ISG20: variants seen among roughly 807,000 people sequenced by gnomAD.
ISG20 encodes the protein interferon-stimulated gene 20 kDa protein.
A neutral mutation model predicts 11.1 loss-of-function variants in ISG20; 8 were observed. The observed-to-expected ratio is 0.72, with a 90% confidence interval of 0.42 to 1.30. The LOEUF (loss-of-function observed/expected upper bound fraction) is 1.30. Among genes scored for constraint, ISG20 ranks in the 50% most tolerant of loss-of-function variants. ISG20 has a pLI of 0.01. For missense variants in ISG20, 243 were observed against 250.2 expected (o/e 0.97, Z 0.19); for synonymous variants, 110 against 101.7 (o/e 1.08, Z -0.49).
intron 2 of ISG20, chr15:88,647,547 A>G (rs2058199474): frequency 6.6e-6 from 1 of 152,144 alleles, no homozygotes. Flanking sequence ...GAGCGCCACA[A>G]ATCAGACTGT....
At chr15:88,647,238 C>CA (rs2058192937) in intron 2 of ISG20, 11 of 152,172 alleles carry the variant, frequency 7.2e-5, no homozygotes, top group African/African-American at 2.7e-4. Flanking sequence ...GAGTGGGACC[C>CA]CCCCCCCACT....
intron 2 of ISG20, among the ~76,000 whole-genome samples, chr15:88,641,934 T>C (rs1341578280): frequency 2.3e-5 from 1 of 43,080 alleles, no homozygotes; most frequent in Non-Finnish European, 5.7e-5. Context: ...CTCTTTTTTT[T>C]TTTTTTTTTT....
chr15:88,650,590 G>C lies in ISG20; in HGVS notation c.229-1520G>C. The stretch of plus-strand genomic sequence containing the variant: ...GCTCGGCCACCTGCAGTTTGGGCAG[G>C]TGCTCTGCAGCAGGACAGGCCGTCA... On this transcript the variant is annotated intron_variant, in intron 2 of 3. Transcript: ENST00000306072. The surrounding 1 kb of genome is among the most constrained non-coding windows in gnomAD (Gnocchi z 4.0). The C allele has an allele frequency of 4.7e-6, 3 of 638,916 alleles. No individual in the cohort carries two copies. The highest frequency in any genetic ancestry group is 7.0e-6 in the Non-Finnish European group (3 of 427,132). 39.6% of individuals were successfully genotyped at this position (638,916 alleles called of 1,614,324 possible). A position where few individuals can be genotyped will look rare whatever the true frequency, so the allele number is the denominator to read the frequency against.
intron 2 of ISG20, among the ~76,000 whole-genome samples, chr15:88,640,290 A>G (rs1416283354): frequency 6.6e-6 from 1 of 152,220 alleles, no homozygotes; most frequent in Non-Finnish European, 1.5e-5. Flanking sequence ...AAGTCCAAGA[A>G]GAACACAGGT....
chr15:88,652,621 C>T (rs541224037), intron 3 of ISG20, among the ~76,000 whole-genome samples: 11 of 114,608 alleles, frequency 9.6e-5, no homozygotes, highest in African/African-American at 3.1e-4. Flanking sequence ...CCTTCCTCCT[C>T]CCCTGTCCCC....
intron 2 of ISG20, chr15:88,651,363 C>G: frequency 1.1e-6 from 1 of 902,558 alleles, no homozygotes; most frequent in Non-Finnish European, 1.3e-6. Context: ...TCTTCTCTTA[C>G]AGTTCTGTAG....
chr15:88,652,231 G>A lies in ISG20; in HGVS notation c.350G>A (p.Trp117Ter), dbSNP rs1026220683. ...GACACGTCCACTGACAGGCTGTTGT[G>A]GCGTGAGGCCAAGCTGGACCACTGC... is the stretch of plus-strand genomic sequence containing the variant. ...IYDTSTDRLL[W>*]REAKLDHCRR... is the part of the protein sequence containing the mutation. Residue 117 changes from tryptophan (W) to a stop codon, truncating the protein, a stop_gained, in exon 3 of 4, where the codon TGG becomes TAG. Transcript: ENST00000306072. LOFTEE classifies it high-confidence loss of function. 1 of 1,614,016 alleles carries A rather than the reference G, an allele frequency of 6.2e-7. No individual in the cohort carries two copies. The highest frequency in any genetic ancestry group is 1.7e-5 in the Admixed American group (1 of 60,012).
At chr15:88,655,240 A>T (rs2058354215) in intron 3 of ISG20, among the ~76,000 whole-genome samples, 175 bp from the exon 4 acceptor site, 1 of 152,262 alleles carries the variant, frequency 6.6e-6, no homozygotes, top group Non-Finnish European at 1.5e-5. Context: ...AAGGCAGGCC[A>T]GCTCCAGCCA....
chr15:88,645,643 A>G (rs1023658138), intron 2 of ISG20, among the ~76,000 whole-genome samples: 4 of 152,168 alleles, frequency 2.6e-5, no homozygotes, highest in African/African-American at 9.6e-5. Flanking sequence ...CTCATAGCTC[A>G]GCCATTGCCT....
At chr15:88,649,186 A>G (rs924955167) in intron 2 of ISG20, 1 of 152,246 alleles carries the variant, frequency 6.6e-6, no homozygotes, top group Non-Finnish European at 1.5e-5. Context: ...AAGTTCCAGC[A>G]TCTCTTCCTT....
At chr15:88,637,233 AAAAG>A (rs762327157), upstream of ISG20, 3 of 152,274 alleles carry the variant, frequency 2.0e-5, no homozygotes, top group African/African-American at 4.8e-5. Flanking sequence ...GTTTAAACCT[AAAAG>A]AAAGGCCTTA....
Position 88,643,379 on chromosome 15 carries a change from G to A in ISG20, c.228+3785G>A, listed in dbSNP as rs934264567. Among the ~76,000 whole-genome samples the A allele has an allele frequency of 3.9e-5, 6 of 152,022 alleles. No homozygotes were observed. Among genetic ancestry groups the A allele is most frequent in the African/African-American group, 7.2e-5 (3 of 41,386 alleles). On this transcript the variant is annotated intron_variant, in intron 2 of 3. Transcript: ENST00000306072. The surrounding 1 kb of genome is among the most constrained non-coding windows in gnomAD (Gnocchi z 4.4). ...TTAATTTCACCTATTTACTTTTTAC[G>A]TTTTGAAACATGGCTGTTGGGTGAT... is the stretch of plus-strand genomic sequence containing the variant.
Position 88,639,799 on chromosome 15 carries a change from C to T in ISG20, c.228+205C>T, listed in dbSNP as rs868035357. On this transcript the variant is annotated intron_variant, in intron 2 of 3. Transcript: ENST00000306072. This position sits in a 1 kb window ranked among gnomAD's most constrained non-coding sequence, Gnocchi z 4.2. ...GAACCATAGACTCACATCTGGAAGC[C>T]GCCTTTGGGGCATCTATCTGGATCT... Among the ~76,000 whole-genome samples the T allele has an allele frequency of 4.6e-5, 7 of 152,304 alleles. No individual in the cohort carries two copies. Among genetic ancestry groups the T allele is most frequent in the Middle Eastern group, 3.4e-3 (1 of 294 alleles).
At chr15:88,638,741 C>T (rs2058025080), upstream of ISG20, 1 of 154,848 alleles carries the variant, frequency 6.5e-6, no homozygotes, top group Non-Finnish European at 1.4e-5. Flanking sequence ...AAAGATGTTG[C>T]AATCCACTCC....
intron 3 of ISG20, among the ~76,000 whole-genome samples, chr15:88,653,736 G>C (rs1385535470): frequency 7.9e-6 from 1 of 126,534 alleles, no homozygotes; most frequent in Non-Finnish European, 1.6e-5. Flanking sequence ...CACATGGACA[G>C]TGGTGCTACT....
chr15:88,643,271 TA>T lies in ISG20; in HGVS notation c.228+3681del, dbSNP rs1421608475. Among the ~76,000 whole-genome samples, 2 of 152,124 alleles carry T rather than the reference TA, an allele frequency of 1.3e-5. No homozygotes were observed. Among genetic ancestry groups the T allele is most frequent in the Non-Finnish European group, 2.9e-5 (2 of 68,020 alleles). The stretch of plus-strand genomic sequence containing the variant: ...ATAATTAAAATATTAAAAAGAGCCA[TA>T]AAATGTCTCAATAACTTTTATATTG... On this transcript the variant is annotated intron_variant, in intron 2 of 3. Transcript: ENST00000306072. The surrounding 1 kb of genome is among the most constrained non-coding windows in gnomAD (Gnocchi z 4.4).
At position 88,652,195 on chromosome 15, in the gene ISG20, A is replaced by G; in HGVS notation, c.314A>G (p.Tyr105Cys). The change falls in exon 3 of 4, where the codon TAC (tyrosine) becomes TGC (cysteine). Residue 105 changes from tyrosine to cysteine, a missense_variant. Transcript: ENST00000306072. ...FQALKEDMSG[Y>C]TIYDTSTDRL... ...GCACTGAAAGAGGACATGAGCGGCT[A>G]CACAATCTACGACACGTCCACTGAC... 1.9e-6 allele frequency: 3 copies of G among 1,614,058 alleles called. No homozygotes were observed. The highest frequency in any genetic ancestry group is 2.5e-6 in the Non-Finnish European group (3 of 1,179,982).
rs552381632 is a variant in ISG20, at chr15:88,651,388, G to A, written c.229-722G>A. The A allele has an allele frequency of 2.0e-5, 15 of 740,618 alleles. No homozygotes were observed. In the South Asian group the frequency reaches 3.7e-4, roughly 18 times the overall value. 45.9% of individuals were successfully genotyped at this position (740,618 alleles called of 1,614,324 possible). On this transcript the variant is annotated intron_variant, in intron 2 of 3. Coordinates refer to ENST00000306072, the MANE Select transcript of ISG20 (RefSeq NM_002201.6). ...CAGTTCTGTAGTTTCGAAGTTCAGC[G>A]TGGGTCTCACTGGTCTAAAATCAAA...
chr15:88,639,526 A>G lies in ISG20; in HGVS notation c.160A>G (p.Thr54Ala), dbSNP rs202036414. Residue 54 changes from threonine (T) to alanine (A), a missense_variant, in exon 2 of 4, where the codon ACC becomes GCC. Physicochemically the swap from Thr to Ala is moderately conservative, Grantham distance 58. Coordinates refer to ENST00000306072, the MANE Select transcript of ISG20 (RefSeq NM_002201.6). This position sits in a 1 kb window ranked among gnomAD's most constrained non-coding sequence, Gnocchi z 4.2. ...RPEGEITDYR[T>A]RVSGVTPQHM... The stretch of plus-strand genomic sequence containing the variant: ...TGAGGGAGAGATCACCGATTACAGA[A>G]CCCGGGTCAGCGGGGTCACCCCTCA... 1.2e-6 allele frequency: 2 copies of G among 1,613,916 alleles called. No individual in the cohort carries two copies. The highest frequency in any genetic ancestry group is 1.1e-5 in the South Asian group (1 of 91,078).
Sources: allele counts gnomAD v4.1 joint callset (sites outside exome capture counted in the v4.1 genomes callset), GRCh38; gene constraint gnomAD v4.1.1; non-coding constraint Gnocchi (gnomAD v3.1); transcripts MANE v1.5; gene names NCBI Gene and HGNC (gene_info 2026-07-23, HGNC 2026-07-21).